The following ABCB1 variants were observed in gnomAD, a reference collection of about 807,000 sequenced individuals.
ABCB1 encodes ATP-dependent translocase ABCB1.
ABCB1 carries 69 observed loss-of-function variants against 142.0 expected under a neutral mutation model. That is an observed-to-expected ratio of 0.49 (90% CI 0.40 to 0.59). The LOEUF (loss-of-function observed/expected upper bound fraction) is 0.59. Ranked by LOEUF, ABCB1 falls within the 20% of genes least tolerant of loss-of-function variation. ABCB1 has a pLI of 0.00. For missense variants in ABCB1, 1,326 were observed against 1,554.7 expected (o/e 0.85, Z 2.47); for synonymous variants, 532 against 539.2 (o/e 0.99, Z 0.18).
intron 1 of ABCB1, among the ~76,000 whole-genome samples, chr7:87,625,121 G>A (rs1432199018): frequency 6.6e-6 from 1 of 152,128 alleles, no homozygotes; most frequent in East Asian, 1.9e-4. Context: ...GCCGGGCGTG[G>A]TGGCAGGCGC....
chr7:87,650,822 G>A, intron 1 of ABCB1: 1 of 1,583,208 alleles, frequency 6.3e-7, no homozygotes, highest in Non-Finnish European at 8.7e-7. Flanking sequence ...TTTTTCATAG[G>A]TTTTCTGTGA....
chr7:87,628,758 C>T, intron 1 of ABCB1: 11 of 1,025,790 alleles, frequency 1.1e-5, no homozygotes, highest in Non-Finnish European at 1.1e-5. Context: ...GCGAGAACCC[C>T]CTTAAGCAGG....
chr7:87,629,920 CAA>C (rs202130650), intron 1 of ABCB1, among the ~76,000 whole-genome samples: 151 of 112,444 alleles, frequency 1.3e-3, no homozygotes, highest in Admixed American at 1.2e-3. Flanking sequence ...GAGACTTCGT[CAA>C]AAAAAAAAAA....
intron 1 of ABCB1, among the ~76,000 whole-genome samples, chr7:87,666,703 A>T (rs1825286015): frequency 6.6e-6 from 1 of 152,148 alleles, no homozygotes; most frequent in Admixed American, 6.6e-5. Context: ...AATCTTCCAC[A>T]TATGGCTATC....
chr7:87,516,713 G>T, intron 23 of ABCB1, 48 bp from the exon 24 acceptor site: 3 of 1,369,194 alleles, frequency 2.2e-6, no homozygotes, highest in Non-Finnish European at 2.0e-6. Flanking sequence ...CCATCACAAT[G>T]CTAGAAAGCT....
intron 1 of ABCB1, among the ~76,000 whole-genome samples, chr7:87,711,958 A>G (rs540995544): frequency 6.6e-6 from 1 of 152,288 alleles, no homozygotes; most frequent in South Asian, 2.1e-4. Context: ...TATCTCTGAG[A>G]TCTTAACTTC....
At chr7:87,626,514 A>G (rs1334182927) in intron 1 of ABCB1, among the ~76,000 whole-genome samples, 2 of 15,646 alleles carry the variant, frequency 1.3e-4, no homozygotes, top group Non-Finnish European at 1.8e-4. Context: ...TGTGTCATAT[A>G]TATGTGTCAT....
Position 87,539,306 on chromosome 7 carries a change from G to T in ABCB1, c.2359C>A (p.Arg787=), listed in dbSNP as rs200903110. 9.9e-6 allele frequency: 16 copies of T among 1,614,152 alleles called. No homozygotes were observed. The highest frequency in any genetic ancestry group is 2.2e-5 in the East Asian group (1 of 44,884). The change falls in exon 19 of 28, where the codon CGG becomes AGG. Residue 787 remains arginine, a synonymous_variant. Transcript: ENST00000622132. ...FGKAGEILTK[R]LRYMVFRSML... is the part of the protein sequence containing the mutation. ...GATCGGAAAACCATGTATCGGAGCC[G>T]CTTGGTGAGGATCTCTCCAGCTTTG...
Position 87,504,461 on chromosome 7 carries a change from T to C in ABCB1, c.3637-12A>G. 2 of 1,613,950 alleles carry C rather than the reference T, an allele frequency of 1.2e-6. No homozygotes were observed. Among genetic ancestry groups the C allele is most frequent in the South Asian group, 1.1e-5 (1 of 91,080 alleles). On this transcript the variant is annotated splice_polypyrimidine_tract_variant and intron_variant, in intron 27 of 27. Transcript: ENST00000622132. ...GCTTCTTGGACAACCTATTCCATAATCACATAGATTAATTCTCATAATAGT... is the reference window on the plus strand; with the variant it reads ...GCTTCTTGGACAACCTATTCCATAACCACATAGATTAATTCTCATAATAGT...
intron 19 of ABCB1, among the ~76,000 whole-genome samples, chr7:87,537,219 G>A (rs1816336485): frequency 6.6e-6 from 1 of 152,314 alleles, no homozygotes; most frequent in Middle Eastern, 3.4e-3. Flanking sequence ...AGTAGACGGT[G>A]TATTGGAAAA....
intron 23 of ABCB1, among the ~76,000 whole-genome samples, chr7:87,517,112 C>T (rs113724043): frequency 3.2e-4 from 48 of 152,258 alleles, no homozygotes; most frequent in African/African-American, 1.1e-3. Flanking sequence ...AAAACAAACA[C>T]ATTTCCTTAT....
In ABCB1 at chr7:87,566,949, A is replaced by G. The variant is rs1395693552; in HGVS notation, c.366T>C (p.Gly122=). ...TGTAAGCAGCAACCAGCACCCCAGCACCAATTCCACTGTAATAATAGGCAT... is the reference window on the plus strand; with the variant it reads ...TGTAAGCAGCAACCAGCACCCCAGCGCCAATTCCACTGTAATAATAGGCAT... ...TRYAYYYSGI[G]AGVLVAAYIQ... is the part of the protein sequence containing the mutation. Residue 122 remains glycine (G), a synonymous_variant, in exon 6 of 28, where the codon GGT becomes GGC. Transcript: ENST00000622132. 2 of 1,614,044 alleles carry G rather than the reference A, an allele frequency of 1.2e-6. No homozygotes were observed. The highest frequency in any genetic ancestry group is 2.7e-5 in the African/African-American group (2 of 74,918).
At chr7:87,549,657 T>C in intron 13 of ABCB1, 139 bp from the exon 14 acceptor site, 1 of 1,430,234 alleles carries the variant, frequency 7.0e-7, no homozygotes, top group Non-Finnish European at 9.7e-7. Flanking sequence ...TTTAACACAA[T>C]AACCAACCTC....
chr7:87,553,047 G>C (rs1817148624), intron 9 of ABCB1, among the ~76,000 whole-genome samples: 1 of 152,148 alleles, frequency 6.6e-6, no homozygotes, highest in Non-Finnish European at 1.5e-5. Flanking sequence ...TCCATAATTT[G>C]TGAGGTGGAT....
intron 3 of ABCB1, among the ~76,000 whole-genome samples, chr7:87,595,316 T>A (rs1819153390): frequency 6.6e-6 from 1 of 152,148 alleles, no homozygotes; most frequent in Non-Finnish European, 1.5e-5. Flanking sequence ...TTGTTAGTAA[T>A]GGATTTTGAA....
intron 25 of ABCB1, 62 bp from the exon 26 acceptor site, chr7:87,509,543 A>G: frequency 2.0e-6 from 3 of 1,527,016 alleles, no homozygotes; most frequent in Non-Finnish European, 2.7e-6. Flanking sequence ...AGCACAATTA[A>G]CATCATTATT....
chr7:87,563,414 A>C lies in ABCB1; in HGVS notation c.703-2027T>G, dbSNP rs1262196727. ...GAACAAATATGATACAAATATCCTC[A>C]GCAAAATCCTGGCAAACTGAATTCA... On this transcript the variant is annotated intron_variant, in intron 7 of 27. Coordinates refer to ENST00000622132, the MANE Select transcript of ABCB1 (RefSeq NM_001348946.2). 8.8e-6 allele frequency: 4 copies of C among 454,668 alleles called. No homozygotes were observed. The Admixed American group carries it at 9.4e-5, about 11-fold the overall frequency. 28.2% of individuals were successfully genotyped at this position (454,668 alleles called of 1,614,324 possible). A position where few individuals can be genotyped will look rare whatever the true frequency, so the allele number is the denominator to read the frequency against.
intron 1 of ABCB1, among the ~76,000 whole-genome samples, chr7:87,675,303 T>C (rs1222575114): frequency 6.6e-6 from 1 of 152,178 alleles, no homozygotes; most frequent in Non-Finnish European, 1.5e-5. Flanking sequence ...CTCTTATCAA[T>C]ATAATCTTTT....
chr7:87,622,766 G>A (rs1183940770), intron 1 of ABCB1, among the ~76,000 whole-genome samples: 1 of 152,186 alleles, frequency 6.6e-6, no homozygotes. Flanking sequence ...TCATGGTGGT[G>A]CATGCCTGTA....
Sources: allele counts gnomAD v4.1 joint callset (sites outside exome capture counted in the v4.1 genomes callset), GRCh38; gene constraint gnomAD v4.1.1; transcripts MANE v1.5; gene names NCBI Gene and HGNC (gene_info 2026-07-23, HGNC 2026-07-21).